PRIM2: variants seen among roughly 807,000 people sequenced by gnomAD.
PRIM2 encodes DNA primase large subunit.
PRIM2 carries 39 observed loss-of-function variants against 67.3 expected under a neutral mutation model. The observed-to-expected ratio is 0.58, with a 90% CI of 0.45 to 0.76. The LOEUF is 0.76. PRIM2 is among the 30% of genes least tolerant of loss of function. PRIM2 has a pLI of 0.00. For synonymous variants in PRIM2, 143 were observed against 198.7 expected, an observed-to-expected ratio of 0.72 and a Z score of 2.36; for missense variants, 398 against 598.7, an observed-to-expected ratio of 0.66 and a Z score of 3.50.
intron 4 of PRIM2, among the ~76,000 whole-genome samples, chr6:57,325,698 T>C (rs763360830): frequency 2.0e-5 from 3 of 152,228 alleles, no homozygotes; most frequent in Non-Finnish European, 4.4e-5. Flanking sequence ...TTCTTGTATT[T>C]AATCTTTTTA....
intron 7 of PRIM2, among the ~76,000 whole-genome samples, chr6:57,484,207 C>A (rs1373295688): frequency 6.6e-6 from 1 of 152,136 alleles, no homozygotes; most frequent in Non-Finnish European, 1.5e-5. Context: ...AGCTTTAGCA[C>A]ATGGAACATT....
At chr6:57,465,141 T>C (rs1377484139) in intron 7 of PRIM2, among the ~76,000 whole-genome samples, 1 of 152,184 alleles carries the variant, frequency 6.6e-6, no homozygotes, top group Non-Finnish European at 1.5e-5. Context: ...ACTTATTAGA[T>C]GCTACCCAGC....
At chr6:57,306,424 G>A in the PRIM2 span, among the ~76,000 whole-genome samples, 13 of 152,248 alleles carry the variant, frequency 8.5e-5, no homozygotes, top group South Asian at 2.3e-3. Flanking sequence ...AGCAAGAGAC[G>A]AAATTCACTG....
chr6:57,311,037 G>A (rs965177342), upstream of PRIM2, among the ~76,000 whole-genome samples: 9 of 104,188 alleles, frequency 8.6e-5, no homozygotes, highest in South Asian at 3.5e-4. Context: ...AGAGACACCC[G>A]TCACCTCCCA....
chr6:57,366,626 A>G (rs887548), intron 5 of PRIM2, among the ~76,000 whole-genome samples: 8 of 151,940 alleles, frequency 5.3e-5, no homozygotes, highest in East Asian at 1.9e-4. Context: ...GTGGCAAGAA[A>G]GTGGATGTTG....
chr6:57,626,043 A>T (rs1407988693), intron 12 of PRIM2, among the ~76,000 whole-genome samples: 1 of 152,254 alleles, frequency 6.6e-6, no homozygotes. Context: ...TTTTAGGAAG[A>T]AGCAAGCTTG....
At chr6:57,451,436 A>G (rs1182251027) in intron 7 of PRIM2, among the ~76,000 whole-genome samples, 1 of 152,302 alleles carries the variant, frequency 6.6e-6, no homozygotes, top group East Asian at 1.9e-4. Flanking sequence ...CACCGCATCT[A>G]GCCTGATATA....
intron 8 of PRIM2, among the ~76,000 whole-genome samples, chr6:57,514,191 A>C (rs1774432797): frequency 6.6e-6 from 1 of 152,180 alleles, no homozygotes; most frequent in African/African-American, 2.4e-5. Flanking sequence ...ATATGCACAC[A>C]TTTCTACTTA....
At chr6:57,496,235 A>T (rs1210520194) in intron 7 of PRIM2, among the ~76,000 whole-genome samples, 1 of 152,210 alleles carries the variant, frequency 6.6e-6, no homozygotes, top group Non-Finnish European at 1.5e-5. Context: ...GAATGTATTT[A>T]AGTGTAGTGC....
chr6:57,236,207 C>T, the PRIM2 span, among the ~76,000 whole-genome samples: 2 of 152,098 alleles, frequency 1.3e-5, no homozygotes, highest in African/African-American at 4.8e-5. Flanking sequence ...AAGTCAGATA[C>T]CTGGGAGTCA....
upstream of PRIM2, among the ~76,000 whole-genome samples, chr6:57,311,623 G>C (rs1767394018): frequency 6.6e-6 from 1 of 152,162 alleles, no homozygotes; most frequent in Admixed American, 6.5e-5. Context: ...TTCCTAGACG[G>C]GGTGACCGGC....
chr6:57,500,669 T>C (rs1338244907), intron 7 of PRIM2, among the ~76,000 whole-genome samples: 10 of 152,244 alleles, frequency 6.6e-5, no homozygotes, highest in Non-Finnish European at 7.3e-5. Flanking sequence ...TCTTTTTCTT[T>C]CTGGAAAGAT....
At chr6:57,355,133 G>A (rs1319997354) in intron 5 of PRIM2, among the ~76,000 whole-genome samples, 6 of 152,260 alleles carry the variant, frequency 3.9e-5, no homozygotes, top group South Asian at 2.1e-4. Context: ...GTGAAATCCC[G>A]TCTCTACTAA....
chr6:57,293,138 T>A, the PRIM2 span, among the ~76,000 whole-genome samples: 1 of 151,934 alleles, frequency 6.6e-6, no homozygotes, highest in Admixed American at 6.6e-5. Flanking sequence ...TAAACAAATT[T>A]ACAAGAAAAA....
intron 7 of PRIM2, among the ~76,000 whole-genome samples, chr6:57,494,622 G>T (rs1453026219): frequency 1.3e-5 from 2 of 152,034 alleles, no homozygotes; most frequent in African/African-American, 4.8e-5. Context: ...AAACTTCTAT[G>T]AATTTAGAAA....
chr6:57,638,271 A>C (rs1455378754), intron 13 of PRIM2, among the ~76,000 whole-genome samples: 1 of 152,204 alleles, frequency 6.6e-6, no homozygotes, highest in Non-Finnish European at 1.5e-5. Flanking sequence ...GGAAAGGAAC[A>C]ACTGGTACCA....
rs1344396564 is a variant in PRIM2 at position 57,594,123 on chromosome 6, A to AT, written c.1021-6969dup. 1.4e-3 allele frequency among the ~76,000 whole-genome samples: 215 copies of AT among 152,346 alleles called. 2 individuals carry two copies. The highest frequency in any genetic ancestry group is 3.8e-3 in the African/African-American group (159 of 41,582). On this transcript the variant is annotated intron_variant, in intron 10 of 13. Transcript: ENST00000615550. ...TATAAAATGTTTGGTGGAAATTTTAATGTCTTTGTTTTCACCAGTGAAATT... is the reference window on the plus strand; with the variant it reads ...TATAAAATGTTTGGTGGAAATTTTAATTGTCTTTGTTTTCACCAGTGAAATT...
At chr6:57,267,925 CATT>C in the PRIM2 span, among the ~76,000 whole-genome samples, 1 of 151,818 alleles carries the variant, frequency 6.6e-6, no homozygotes, top group Non-Finnish European at 1.5e-5. Context: ...AAAATGAAAT[CATT>C]GTTGCTGGGT....
chr6:57,340,716 G>A (rs982297764), intron 5 of PRIM2, among the ~76,000 whole-genome samples: 1 of 151,928 alleles, frequency 6.6e-6, no homozygotes, highest in African/African-American at 2.4e-5. Context: ...TGGGGTGGGG[G>A]TAGGGGTGAG....
Sources: allele counts gnomAD v4.1 joint callset (sites outside exome capture counted in the v4.1 genomes callset), GRCh38; gene constraint gnomAD v4.1.1; transcripts MANE v1.5; gene names NCBI Gene and HGNC (gene_info 2026-07-23, HGNC 2026-07-21).